SCAF4: variants seen among roughly 807,000 people sequenced by gnomAD.
SCAF4 encodes SR-related CTD associated factor 4, also known as SR-related and CTD-associated factor 4.
Under a neutral mutation model 129.8 loss-of-function variants are expected in SCAF4, and 25 were observed. That is an observed-to-expected ratio of 0.19 (90% CI 0.14 to 0.27). SCAF4 has a LOEUF of 0.27. Ranked by LOEUF, SCAF4 falls within the 10% of genes least tolerant of loss-of-function variation. SCAF4 has a pLI of 1.00. For synonymous variants in SCAF4, 551 were observed against 497.7 expected, an observed-to-expected ratio of 1.11 and a Z score of -1.43; for missense variants, 1,246 against 1,457.1, an observed-to-expected ratio of 0.86 and a Z score of 2.36.
chr21:31,691,952 T>G (rs751079877), intron 13 of SCAF4, 22 bp from the exon 14 acceptor site: 46 of 1,269,716 alleles, frequency 3.6e-5, no homozygotes, highest in Non-Finnish European at 3.4e-6. Context: ...CATTTTAATA[T>G]TATAAAAGAT....
intron 19 of SCAF4, among the ~76,000 whole-genome samples, chr21:31,673,958 G>T (rs1163267719): frequency 6.6e-6 from 1 of 152,198 alleles, no homozygotes; most frequent in Non-Finnish European, 1.5e-5. Context: ...AAGTGGCCAA[G>T]CCAAATTATA....
chr21:31,698,218 A>T (rs1351605037), intron 7 of SCAF4, among the ~76,000 whole-genome samples: 1 of 152,240 alleles, frequency 6.6e-6, no homozygotes, highest in African/African-American at 2.4e-5. Context: ...GCTTTTTAGG[A>T]AACTGAAGAT....
chr21:31,726,376 T>A (rs1322106774), intron 1 of SCAF4, among the ~76,000 whole-genome samples: 1 of 152,168 alleles, frequency 6.6e-6, no homozygotes, highest in African/African-American at 2.4e-5. Context: ...TTTAAAAGGA[T>A]CTAGCCAGGC....
At chr21:31,680,912 T>C (rs1316875975) in intron 19 of SCAF4, among the ~76,000 whole-genome samples, 3 of 152,242 alleles carry the variant, frequency 2.0e-5, no homozygotes, top group African/African-American at 7.2e-5. Context: ...TCAGGGATCA[T>C]AACGATAGCA....
intron 1 of SCAF4, among the ~76,000 whole-genome samples, chr21:31,716,092 T>C (rs1190796811): frequency 6.6e-6 from 1 of 152,142 alleles, no homozygotes; most frequent in Non-Finnish European, 1.5e-5. Context: ...GCAATAAGAA[T>C]TAGAAGACTA....
chr21:31,701,350 T>C (rs10483006), intron 6 of SCAF4, among the ~76,000 whole-genome samples, 179 bp from the exon 7 acceptor site: 5,098 of 152,302 alleles, frequency 0.033, 129 homozygotes, highest in Non-Finnish European at 0.047. Flanking sequence ...AGAGATATAA[T>C]GTGCATTTCT....
At chr21:31,717,409 A>T (rs1277602081) in intron 1 of SCAF4, among the ~76,000 whole-genome samples, 1 of 152,170 alleles carries the variant, frequency 6.6e-6, no homozygotes, top group Non-Finnish European at 1.5e-5. Flanking sequence ...ATGGTGTTTG[A>T]TGGGATTGTT....
Position 31,701,821 on chromosome 21 carries a change from A to T in SCAF4, c.555T>A (p.Ala185=). 1 of 1,613,720 alleles carries T rather than the reference A, an allele frequency of 6.2e-7. No individual in the cohort carries two copies. Among genetic ancestry groups the T allele is most frequent in the South Asian group, 1.1e-5 (1 of 90,942 alleles). The stretch of plus-strand genomic sequence containing the variant: ...GAAACAGCTGAGCCACAGCAGCAAA[A>T]GCATCAGAGCTGGGCAACTGTGGTA... The part of the protein sequence containing the change: ...PAVPQLPSSD[A]FAAVAQLFQT... Residue 185 remains alanine, a synonymous_variant, in exon 6 of 20, where the codon GCT becomes GCA. Transcript: ENST00000286835.
intron 1 of SCAF4, among the ~76,000 whole-genome samples, chr21:31,711,277 T>C (rs2123632841): frequency 6.6e-6 from 1 of 152,356 alleles, no homozygotes; most frequent in South Asian, 2.1e-4. Flanking sequence ...ATGAATGCTG[T>C]TAATATTTTA....
At chr21:31,707,012 T>C (rs2050681005) in intron 1 of SCAF4, 1 of 289,832 alleles carries the variant, frequency 3.5e-6, no homozygotes, top group East Asian at 1.3e-4. Flanking sequence ...TCCCATTTTT[T>C]ATGTATAAAT....
rs2050348478 is a variant in SCAF4, at chr21:31,694,908, G to C, written c.1141C>G (p.Gln381Glu). The change falls in exon 10 of 20, where the codon CAG (glutamine) becomes GAG (glutamate). Residue 381 changes from glutamine (Q) to glutamate (E), a missense_variant. Physicochemically the swap from Gln to Glu is conservative, Grantham distance 29 (BLOSUM62 2). This residue lies in a region of SCAF4 where 236 missense variants were observed against 210.0 expected (regional missense o/e 1.12). Transcript: ENST00000286835. ...LPTPPFPPMA[Q>E]PVIPPTPPVQ... ...GGTGGAGTTGGAGGAATCACAGGCT[G>C]AGCCATGGGAGGAAATGGAGGTGTA... The C allele has an allele frequency of 1.9e-6, 3 of 1,613,984 alleles. No homozygotes were observed. The highest frequency in any genetic ancestry group is 3.3e-5 in the Admixed American group (2 of 60,010).
intron 2 of SCAF4, among the ~76,000 whole-genome samples, chr21:31,705,688 C>G (rs1188249019): frequency 2.0e-5 from 3 of 152,068 alleles, no homozygotes; most frequent in Non-Finnish European, 4.4e-5. Context: ...GATCCCTTTT[C>G]TTAAATTTTA....
rs2050397442 is a variant in SCAF4 at position 31,696,688 on chromosome 21, CTCTT to C, written c.836_839del (p.Lys279ArgfsTer66). ...CTGTCGTGGTGACGGCAGTGGTATCCTCTTTCTTTGATTCTTCCACAGCTTCTGG... is the reference window on the plus strand; with the variant it reads ...CTGTCGTGGTGACGGCAGTGGTATCCTCTTTGATTCTTCCACAGCTTCTGG... On this transcript the variant is annotated frameshift_variant, in exon 8 of 20. Coordinates refer to ENST00000286835, the MANE Select transcript of SCAF4 (RefSeq NM_020706.2). LOFTEE classifies it high-confidence loss of function. 1.2e-6 allele frequency: 2 copies of C among 1,613,810 alleles called. No homozygotes were observed. Among genetic ancestry groups the C allele is most frequent in the Admixed American group, 1.7e-5 (1 of 59,988 alleles).
At chr21:31,731,082 TTTCCC>T (rs1441639886) in intron 1 of SCAF4, among the ~76,000 whole-genome samples, 4 of 152,210 alleles carry the variant, frequency 2.6e-5, no homozygotes, top group Non-Finnish European at 5.9e-5. Flanking sequence ...ATTAGCCCTA[TTTCCC>T]AAGTGCGTGA....
intron 3 of SCAF4, 22 bp downstream of exon 3, chr21:31,705,401 G>A (rs1333216045): frequency 3.9e-6 from 4 of 1,035,042 alleles, no homozygotes; most frequent in Non-Finnish European, 5.7e-6. Context: ...ACTAAAATGA[G>A]GTTATAATGA....
At chr21:31,686,717 TTC>T (rs1199977899) in intron 16 of SCAF4, among the ~76,000 whole-genome samples, 1 of 152,166 alleles carries the variant, frequency 6.6e-6, no homozygotes, top group Non-Finnish European at 1.5e-5. Context: ...GAGCTCTGCC[TTC>T]TGTCAGATCA....
chr21:31,724,613 G>A (rs1017269556), intron 1 of SCAF4, among the ~76,000 whole-genome samples: 5 of 152,038 alleles, frequency 3.3e-5, no homozygotes, highest in East Asian at 1.9e-4. Flanking sequence ...TTGAGTGTGC[G>A]CAGATATGTA....
intron 1 of SCAF4, among the ~76,000 whole-genome samples, chr21:31,713,936 A>G (rs996748738): frequency 1.3e-5 from 2 of 152,336 alleles, no homozygotes; most frequent in Non-Finnish European, 2.9e-5. Flanking sequence ...TTAGCTTTAT[A>G]TATCAAGTCT....
Position 31,696,626 on chromosome 21 carries a change from G to C in SCAF4, c.902C>G (p.Thr301Ser). 3.7e-6 allele frequency: 6 copies of C among 1,613,614 alleles called. No homozygotes were observed. Among genetic ancestry groups the C allele is most frequent in the Non-Finnish European group, 5.1e-6 (6 of 1,179,642 alleles). The change falls in exon 8 of 20, where the codon ACC becomes AGC. Residue 301 changes from threonine (T) to serine (S), a missense_variant. Coordinates refer to ENST00000286835, the MANE Select transcript of SCAF4 (RefSeq NM_020706.2). Reference sequence around the variant, plus strand: ...AGCGGGTGCAGCAGCAGCAGGCACGGTGGCGGTGGGTGCAGGGGGTACTGC... The same window carrying C: ...AGCGGGTGCAGCAGCAGCAGGCACGCTGGCGGTGGGTGCAGGGGGTACTGC... ...AAAVPPAPTA[T>S]VPAAAAPAAA...
Sources: allele counts gnomAD v4.1 joint callset (sites outside exome capture counted in the v4.1 genomes callset), GRCh38; gene constraint gnomAD v4.1.1; regional missense constraint gnomAD v4.1.1; transcripts MANE v1.5; gene names NCBI Gene and HGNC (gene_info 2026-07-23, HGNC 2026-07-21).